Variants in RB1 observed in about 807,000 individuals in gnomAD.
RB1 encodes retinoblastoma-associated protein.
A neutral mutation model predicts 135.4 loss-of-function variants in RB1; 18 were observed. The observed-to-expected ratio is 0.13, with a 90% CI of 0.09 to 0.20. The LOEUF is 0.20. RB1 is among the 10% of genes least tolerant of loss of function. The pLI, the probability that RB1 is intolerant of heterozygous loss-of-function variation, is 1.00. For synonymous variants in RB1, 365 were observed against 373.2 expected (o/e 0.98, Z 0.25); for missense variants, 868 against 1,110.0 (o/e 0.78, Z 3.10).
At chr13:48,406,715 G>A (rs1030296340) in intron 17 of RB1, 1 of 152,146 alleles carries the variant, frequency 6.6e-6, no homozygotes, top group Non-Finnish European at 1.5e-5. Flanking sequence ...TTTGCCTGTG[G>A]TGCTTGCCTT....
intron 19 of RB1, among the ~76,000 whole-genome samples, chr13:48,458,661 G>A (rs1189510161): frequency 6.6e-6 from 1 of 152,054 alleles, no homozygotes; most frequent in African/African-American, 2.4e-5. Flanking sequence ...GTATGCTAAA[G>A]TTTAAGACCA....
chr13:48,394,216 C>G (rs767029806), intron 17 of RB1, among the ~76,000 whole-genome samples: 15 of 152,176 alleles, frequency 9.9e-5, no homozygotes, highest in Non-Finnish European at 1.5e-4. Flanking sequence ...CATTGCATTC[C>G]AGCCCAGATA....
At chr13:48,395,915 C>T (rs1275641978) in intron 17 of RB1, among the ~76,000 whole-genome samples, 6 of 152,088 alleles carry the variant, frequency 3.9e-5, no homozygotes, top group Non-Finnish European at 8.8e-5. Context: ...AGAGGAACCC[C>T]AGGACATATA....
chr13:48,386,020 A>G (rs1262476197), intron 17 of RB1, among the ~76,000 whole-genome samples: 1 of 143,750 alleles, frequency 7.0e-6, no homozygotes, highest in African/African-American at 2.6e-5. Context: ...AGCCTGGGCA[A>G]CAAAGCAAGA....
intron 2 of RB1, among the ~76,000 whole-genome samples, chr13:48,314,588 T>G (rs891735480): frequency 2.0e-5 from 3 of 152,062 alleles, no homozygotes; most frequent in African/African-American, 4.8e-5. Context: ...TCACTTGAGG[T>G]CAGGAATTTG....
intron 12 of RB1, among the ~76,000 whole-genome samples, chr13:48,376,476 G>A (rs914907420): frequency 1.3e-4 from 19 of 149,812 alleles, no homozygotes; most frequent in Non-Finnish European, 1.3e-4. Flanking sequence ...CTCCAGCCTG[G>A]GCGACAGAGT....
At chr13:48,445,778 GA>G (rs1245508255) in intron 17 of RB1, among the ~76,000 whole-genome samples, 1 of 152,012 alleles carries the variant, frequency 6.6e-6, no homozygotes, top group Non-Finnish European at 1.5e-5. Context: ...GTGTAAGTAG[GA>G]ACAAAGTATT....
intron 17 of RB1, chr13:48,412,213 G>C: frequency 6.2e-7 from 1 of 1,613,870 alleles, no homozygotes; most frequent in Non-Finnish European, 8.5e-7. Context: ...ATCCTGAAGG[G>C]TAAAGTAAAA....
rs1325426337 is a variant in RB1 at position 48,319,614 on chromosome 13, G to A, written c.264+12208G>A. The stretch of plus-strand genomic sequence containing the variant: ...CACGTTCGTCTTTGCTAACCGGGGA[G>A]GTTTGCGAAAGGCGAACTCTTTATG... On this transcript the variant is annotated intron_variant, in intron 2 of 26. Coordinates refer to ENST00000267163, the MANE Select transcript of RB1 (RefSeq NM_000321.3). The surrounding 1 kb of genome is among the most constrained non-coding windows in gnomAD (Gnocchi z 5.0). 1 of 254,296 alleles carries A rather than the reference G, an allele frequency of 3.9e-6. No homozygotes were observed. Among genetic ancestry groups the A allele is most frequent in the African/African-American group, 2.3e-5 (1 of 43,368 alleles). The allele number at this position is 254,296 out of a possible 1,614,324, so 15.8% of individuals were successfully genotyped here. A position where few individuals can be genotyped will look rare whatever the true frequency, so the allele number is the denominator to read the frequency against.
At chr13:48,321,343 G>C (rs1015787055) in intron 2 of RB1, among the ~76,000 whole-genome samples, 9 of 107,958 alleles carry the variant, frequency 8.3e-5, no homozygotes, top group African/African-American at 3.3e-4. Flanking sequence ...TGTCCACCTC[G>C]GCTCCCGCGC....
chr13:48,354,993 G>A (rs1342722210), intron 6 of RB1, among the ~76,000 whole-genome samples: 1 of 152,020 alleles, frequency 6.6e-6, no homozygotes, highest in Non-Finnish European at 1.5e-5. Context: ...AAAATCTCCA[G>A]GACATCAGTC....
intron 9 of RB1, among the ~76,000 whole-genome samples, chr13:48,365,321 C>T (rs1323273703): frequency 2.0e-5 from 3 of 152,038 alleles, no homozygotes; most frequent in South Asian, 2.1e-4. Flanking sequence ...CCTCATTAAG[C>T]GTAGGAACCA....
intron 2 of RB1, among the ~76,000 whole-genome samples, chr13:48,312,813 C>G (rs1490279245): frequency 6.6e-6 from 1 of 152,134 alleles, no homozygotes; most frequent in East Asian, 1.9e-4. Flanking sequence ...TTTAGTGCCT[C>G]TTTCTGACTA....
chr13:48,466,103 C>G (rs1353233834), intron 23 of RB1, among the ~76,000 whole-genome samples: 2 of 150,428 alleles, frequency 1.3e-5, no homozygotes, highest in African/African-American at 4.9e-5. Context: ...CCTCTGGGGG[C>G]AGGGCACAGA....
intron 17 of RB1, among the ~76,000 whole-genome samples, chr13:48,450,416 G>A (rs897625861): frequency 6.6e-6 from 1 of 152,042 alleles, no homozygotes; most frequent in Admixed American, 6.6e-5. Context: ...TATTTAATAG[G>A]GAATGCTTTC....
intron 2 of RB1, among the ~76,000 whole-genome samples, chr13:48,314,963 G>T (rs1952168130): frequency 6.6e-6 from 1 of 152,068 alleles, no homozygotes; most frequent in African/African-American, 2.4e-5. Flanking sequence ...GTAATGTGAT[G>T]CCTCTAGCTT....
At position 48,328,470 on chromosome 13, in the gene RB1, C is replaced by T. The variant is rs186452144; in HGVS notation, c.265-14129C>T. 5.1e-4 allele frequency: 469 copies of T among 914,372 alleles called. 1 individual carries two copies. Among genetic ancestry groups the T allele is most frequent in the African/African-American group, 5.0e-3 (307 of 61,602 alleles). 56.6% of individuals were successfully genotyped at this position (914,372 alleles called of 1,614,324 possible). On this transcript the variant is annotated intron_variant, in intron 2 of 26. Coordinates refer to ENST00000267163, the MANE Select transcript of RB1 (RefSeq NM_000321.3). Reference sequence around the variant, plus strand: ...TCTTCTTCAGCTGATCGCTTCTCAGCGCTGCGGCTGGAACTTTCCTCTCCA... The same window carrying T: ...TCTTCTTCAGCTGATCGCTTCTCAGTGCTGCGGCTGGAACTTTCCTCTCCA...
intron 2 of RB1, among the ~76,000 whole-genome samples, chr13:48,321,850 G>A (rs1952245039): frequency 6.6e-6 from 1 of 151,558 alleles, no homozygotes; most frequent in Admixed American, 6.5e-5. Context: ...GAGTGAAACT[G>A]CATTGCAAAA....
At chr13:48,353,841 TATG>T (rs1952569237) in intron 6 of RB1, among the ~76,000 whole-genome samples, 2 of 152,124 alleles carry the variant, frequency 1.3e-5, no homozygotes, top group Non-Finnish European at 2.9e-5. Context: ...ACAAAAATCA[TATG>T]ATCATTTAAA....
Sources: gnomAD v4.1 joint callset for allele counts (sites outside exome capture counted in the v4.1 genomes callset) on GRCh38, gnomAD v4.1.1 for gene constraint, Gnocchi (gnomAD v3.1) non-coding constraint, MANE v1.5 for transcripts, NCBI Gene and HGNC (gene_info 2026-07-23, HGNC 2026-07-21) for gene names.